PLXNA4: variants seen among roughly 807,000 people sequenced by gnomAD.
The protein encoded by PLXNA4 is plexin-A4.
In PLXNA4, 44 loss-of-function variants were observed where a neutral mutation model predicts 191.8. That is an observed-to-expected ratio of 0.23 (90% CI 0.18 to 0.29). The LOEUF is 0.29. Ranked by LOEUF, PLXNA4 falls within the 10% of genes least tolerant of loss-of-function variation. The pLI, the probability that PLXNA4 is intolerant of heterozygous loss-of-function variation, is 1.00. For synonymous variants in PLXNA4, 1,082 were observed against 1,009.5 expected (o/e 1.07, Z -1.36); for missense variants, 1,800 against 2,488.8 (o/e 0.72, Z 5.89).
At chr7:132,293,832 CT>C (rs1468073486) in intron 4 of PLXNA4, among the ~76,000 whole-genome samples, 1 of 152,164 alleles carries the variant, frequency 6.6e-6, no homozygotes, top group Non-Finnish European at 1.5e-5. Context: ...AATACAGGTG[CT>C]AGTATGTTTC....
intron 4 of PLXNA4, among the ~76,000 whole-genome samples, chr7:132,260,083 T>C (rs990367096): frequency 6.6e-6 from 1 of 152,172 alleles, no homozygotes; most frequent in Non-Finnish European, 1.5e-5. Context: ...GTTCAGCCCC[T>C]GTGGAAACCA....
intron 2 of PLXNA4, among the ~76,000 whole-genome samples, chr7:132,594,875 G>A (rs574981182): frequency 6.6e-6 from 1 of 151,840 alleles, no homozygotes; most frequent in South Asian, 2.1e-4. Flanking sequence ...TCTGGGTCTA[G>A]TCCAGTGGTG....
chr7:132,510,158 C>T (rs1157568035), intron 1 of PLXNA4, among the ~76,000 whole-genome samples: 1 of 152,192 alleles, frequency 6.6e-6, no homozygotes, highest in African/African-American at 2.4e-5. Flanking sequence ...TTGCCAACAT[C>T]CTATCTGGGG....
intron 5 of PLXNA4, among the ~76,000 whole-genome samples, chr7:132,236,047 G>A (rs925961302): frequency 6.6e-6 from 1 of 152,212 alleles, no homozygotes. Flanking sequence ...GCAACTGAGT[G>A]ACCCTGTGTG....
intron 1 of PLXNA4, among the ~76,000 whole-genome samples, chr7:132,567,916 G>T (rs573637822): frequency 6.6e-6 from 1 of 152,210 alleles, no homozygotes; most frequent in South Asian, 2.1e-4. Context: ...CACGTCTCTA[G>T]GTCAGTGATT....
At chr7:132,222,681 G>C (rs1798187020) in intron 9 of PLXNA4, among the ~76,000 whole-genome samples, 1 of 152,210 alleles carries the variant, frequency 6.6e-6, no homozygotes, top group Non-Finnish European at 1.5e-5. Flanking sequence ...TGTCATGTTT[G>C]AACAACAGAA....
intron 1 of PLXNA4, among the ~76,000 whole-genome samples, chr7:132,537,058 T>C (rs574642713): frequency 3.3e-5 from 5 of 152,328 alleles, no homozygotes; most frequent in South Asian, 4.1e-4. Context: ...AGGTTACGTA[T>C]AAACTGCACT....
chr7:132,540,327 C>T (rs1800015905), intron 1 of PLXNA4, among the ~76,000 whole-genome samples: 1 of 152,194 alleles, frequency 6.6e-6, no homozygotes, highest in Non-Finnish European at 1.5e-5. Context: ...GGCCAGCTCT[C>T]ACTCTAGACA....
At chr7:132,644,126 G>A (rs958760139) in intron 2 of PLXNA4, among the ~76,000 whole-genome samples, 3 of 152,144 alleles carry the variant, frequency 2.0e-5, no homozygotes, top group Admixed American at 6.6e-5. Context: ...TGGCCTAGAG[G>A]AGTGAGTGAG....
At chr7:132,275,280 T>C (rs1474661684) in intron 4 of PLXNA4, among the ~76,000 whole-genome samples, 1 of 152,188 alleles carries the variant, frequency 6.6e-6, no homozygotes, top group Non-Finnish European at 1.5e-5. Flanking sequence ...TAAAGAGATG[T>C]TCCATGTACC....
chr7:132,260,110 A>G (rs1366054206), intron 4 of PLXNA4, among the ~76,000 whole-genome samples: 1 of 152,218 alleles, frequency 6.6e-6, no homozygotes, highest in Admixed American at 6.5e-5. Flanking sequence ...AGAGTTCTCA[A>G]AGAACTTAAA....
chr7:132,425,972 CTG>C lies in PLXNA4; in HGVS notation c.1371+63318_1371+63319del. 2.0e-5 allele frequency among the ~76,000 whole-genome samples: 3 copies of C among 152,322 alleles called. No homozygotes were observed. The South Asian group carries it at 6.2e-4, about 32-fold the overall frequency. ...TGGCCCCAACTCCCTGTCCCTGAAA[CTG>C]AGAAAACTCTTCATAAAGTGCAGGC... On this transcript the variant is annotated intron_variant, in intron 3 of 31. Transcript: ENST00000321063.
intron 3 of PLXNA4, among the ~76,000 whole-genome samples, chr7:132,433,761 C>T (rs776539904): frequency 1.3e-4 from 20 of 152,182 alleles, no homozygotes; most frequent in Non-Finnish European, 2.2e-4. Context: ...GATAAAAGGA[C>T]TCAGGTCAGC....
chr7:132,207,163 C>T (rs1428928847), intron 10 of PLXNA4, among the ~76,000 whole-genome samples: 1 of 152,240 alleles, frequency 6.6e-6, no homozygotes, highest in Non-Finnish European at 1.5e-5. Flanking sequence ...GGTATGTACA[C>T]TGTGTCCATC....
At chr7:132,447,168 C>T (rs1795943215) in intron 3 of PLXNA4, among the ~76,000 whole-genome samples, 1 of 152,178 alleles carries the variant, frequency 6.6e-6, no homozygotes, top group African/African-American at 2.4e-5. Flanking sequence ...GCAGTTGGCT[C>T]ACCAGGCTCC....
intron 2 of PLXNA4, among the ~76,000 whole-genome samples, chr7:132,636,727 C>G (rs1193209175): frequency 6.6e-6 from 1 of 152,122 alleles, no homozygotes; most frequent in Non-Finnish European, 1.5e-5. Flanking sequence ...ATAAGGTGGC[C>G]TTGTTTGAGC....
chr7:132,578,463 G>A (rs1419228113), upstream of PLXNA4, among the ~76,000 whole-genome samples: 1 of 152,176 alleles, frequency 6.6e-6, no homozygotes, highest in African/African-American at 2.4e-5. Context: ...ACATCTCAGA[G>A]CCTCCTTATT....
chr7:132,359,263 G>A (rs542922237), intron 3 of PLXNA4, among the ~76,000 whole-genome samples: 9 of 136,018 alleles, frequency 6.6e-5, no homozygotes, highest in Admixed American at 2.5e-4. Context: ...GCTTTGTCAC[G>A]CAGGCTGGAG....
intron 3 of PLXNA4, among the ~76,000 whole-genome samples, chr7:132,402,632 C>T (rs1271601734): frequency 6.6e-6 from 1 of 152,240 alleles, no homozygotes; most frequent in African/African-American, 2.4e-5. Flanking sequence ...CCTGCTTTCT[C>T]ACCTTGTAGC....
Sources: allele counts gnomAD v4.1 joint callset (sites outside exome capture counted in the v4.1 genomes callset), GRCh38; gene constraint gnomAD v4.1.1; transcripts MANE v1.5; gene names NCBI Gene and HGNC (gene_info 2026-07-23, HGNC 2026-07-21).